The following SLFN12L variants were observed in gnomAD, a reference collection of about 807,000 sequenced individuals.
The protein encoded by SLFN12L is schlafen family member 12-like.
Under a neutral mutation model 34.8 loss-of-function variants are expected in SLFN12L, and 34 were observed. The ratio of observed to expected loss-of-function variants is 0.98; its 90% CI spans 0.74 to 1.30. The LOEUF (loss-of-function observed/expected upper bound fraction) is 1.30. SLFN12L is among the 50% of genes most tolerant of loss of function. The pLI is 0.00. For missense variants in SLFN12L, 703 were observed against 696.2 expected (o/e 1.01, Z -0.11); for synonymous variants, 259 against 247.5 (o/e 1.05, Z -0.44).
At position 35,470,835 on chromosome 17, in the gene SLFN12L, T is replaced by C. The variant is rs954778216; in HGVS notation, c.*4088A>G. ...ACTCTCCCCACCCCACAACAGGCCC[T>C]GGTGTGTGTTAATCCTTTCCCTGTG... On this transcript the variant is annotated 3_prime_UTR_variant, in exon 5 of 5. Transcript: ENST00000628453. 7.3e-5 allele frequency among the ~76,000 whole-genome samples: 11 copies of C among 151,158 alleles called. No homozygotes were observed. The highest frequency in any genetic ancestry group is 2.4e-4 in the African/African-American group (10 of 41,062).
At chr17:35,534,567 G>T (rs140936957) in intron 1 of SLFN12L, among the ~76,000 whole-genome samples, 13 of 151,642 alleles carry the variant, frequency 8.6e-5, no homozygotes, top group Middle Eastern at 3.5e-3. Flanking sequence ...AGGCAGAGTT[G>T]AGAGAGATTT....
chr17:35,467,480 T>A lies in SLFN12L; in HGVS notation c.*7443A>T, dbSNP rs557971915. 7.7e-4 allele frequency among the ~76,000 whole-genome samples: 118 copies of A among 152,268 alleles called. No individual in the cohort carries two copies. Among genetic ancestry groups the A allele is most frequent in the African/African-American group, 2.8e-3 (116 of 41,558 alleles). On this transcript the variant is annotated 3_prime_UTR_variant, in exon 5 of 5. Transcript: ENST00000628453. ...AAGGCACACATTTCACATTGCAAAATACACACTGAATGGGCTCCCGAAACA... is the reference window on the plus strand; with the variant it reads ...AAGGCACACATTTCACATTGCAAAAAACACACTGAATGGGCTCCCGAAACA...
chr17:35,505,037 A>G (rs1461823118), intron 2 of SLFN12L, among the ~76,000 whole-genome samples: 2 of 152,222 alleles, frequency 1.3e-5, no homozygotes, highest in Admixed American at 1.3e-4. Context: ...TCTCACGTCT[A>G]TTTAGATGCA....
chr17:35,467,512 C>T lies in SLFN12L; in HGVS notation c.*7411G>A, dbSNP rs989033588. On this transcript the variant is annotated 3_prime_UTR_variant, in exon 5 of 5. Transcript: ENST00000628453. ...TGAATGGGCTCCCGAAACAAACAGG[C>T]ATTCAATAAAACTTTCATGACCCTA... 6.6e-6 allele frequency among the ~76,000 whole-genome samples: 1 copy of T among 152,172 alleles called. No individual in the cohort carries two copies. Among genetic ancestry groups the T allele is most frequent in the Non-Finnish European group, 1.5e-5 (1 of 68,034 alleles).
At chr17:35,475,560 T>A in intron 4 of SLFN12L, 75 bp from the exon 5 acceptor site, 2 of 1,459,960 alleles carry the variant, frequency 1.4e-6, no homozygotes, top group South Asian at 3.0e-5. Flanking sequence ...AAGCAGCTTG[T>A]ATTAGATTAA....
At chr17:35,490,510 A>C (rs1914794378) in intron 2 of SLFN12L, 4 of 888,612 alleles carry the variant, frequency 4.5e-6, no homozygotes, top group African/African-American at 1.6e-5. Flanking sequence ...CATCCATCTC[A>C]TTAAGAAGAA....
chr17:35,465,585 C>T lies in SLFN12L; in HGVS notation c.*9338G>A, dbSNP rs1015312959. Among the ~76,000 whole-genome samples the T allele has an allele frequency of 2.0e-5, 3 of 151,618 alleles. No individual in the cohort carries two copies. Among genetic ancestry groups the T allele is most frequent in the Non-Finnish European group, 4.4e-5 (3 of 67,960 alleles). On this transcript the variant is annotated 3_prime_UTR_variant, in exon 5 of 5. Transcript: ENST00000628453. Reference sequence around the variant, plus strand: ...AGGATTGAAAGTTGTTACATAAAACCTCATTTATATAACATAAAAGGGATA... The same window carrying T: ...AGGATTGAAAGTTGTTACATAAAACTTCATTTATATAACATAAAAGGGATA...
At chr17:35,489,600 C>T (rs901560178) in intron 2 of SLFN12L, among the ~76,000 whole-genome samples, 1 of 151,742 alleles carries the variant, frequency 6.6e-6, no homozygotes, top group East Asian at 1.9e-4. Context: ...AGCAATATAC[C>T]CCCCAAAATT....
intron 1 of SLFN12L, among the ~76,000 whole-genome samples, chr17:35,537,316 G>C (rs1218922705): frequency 6.6e-6 from 1 of 152,158 alleles, no homozygotes; most frequent in Non-Finnish European, 1.5e-5. Context: ...CTCTGGGCTT[G>C]AGTCCTACAT....
chr17:35,474,887 T>C lies in SLFN12L; in HGVS notation c.*36A>G. The stretch of plus-strand genomic sequence containing the variant: ...CAGAGGTTGCAGTGAGTCGAGATCG[T>C]GTCACTACACTCCAGTCTGGGTGAC... On this transcript the variant is annotated 3_prime_UTR_variant, in exon 5 of 5. Transcript: ENST00000628453. 7 of 1,500,252 alleles carry C rather than the reference T, an allele frequency of 4.7e-6. No individual in the cohort carries two copies. The highest frequency in any genetic ancestry group is 6.2e-6 in the Non-Finnish European group (7 of 1,128,230). 92.9% of individuals were successfully genotyped at this position (1,500,252 alleles called of 1,614,324 possible).
chr17:35,488,941 G>C (rs766016478), intron 2 of SLFN12L, among the ~76,000 whole-genome samples: 5 of 151,488 alleles, frequency 3.3e-5, no homozygotes, highest in African/African-American at 7.3e-5. Context: ...GTGGTGGCAC[G>C]CGCCTGTAAT....
At chr17:35,493,610 A>G (rs1478381088) in intron 2 of SLFN12L, among the ~76,000 whole-genome samples, 1 of 152,244 alleles carries the variant, frequency 6.6e-6, no homozygotes, top group Non-Finnish European at 1.5e-5. Flanking sequence ...TTAGATGTCC[A>G]TACTGTATTT....
At chr17:35,519,953 T>C (rs2142166926) in intron 2 of SLFN12L, among the ~76,000 whole-genome samples, 1 of 152,314 alleles carries the variant, frequency 6.6e-6, no homozygotes, top group African/African-American at 2.4e-5. Context: ...TTTTGCAGTT[T>C]AGACACAACA....
At chr17:35,488,458 T>C (rs1400341848) in intron 2 of SLFN12L, among the ~76,000 whole-genome samples, 1 of 152,214 alleles carries the variant, frequency 6.6e-6, no homozygotes, top group African/African-American at 2.4e-5. Flanking sequence ...TTAGTTGGCT[T>C]CGAACAGTCC....
chr17:35,520,931 A>C (rs1915978249), intron 2 of SLFN12L, among the ~76,000 whole-genome samples: 1 of 152,052 alleles, frequency 6.6e-6, no homozygotes, highest in African/African-American at 2.4e-5. Context: ...CCCTTCTCTC[A>C]AAGTGCTGCC....
intron 2 of SLFN12L, 194 bp from the exon 3 acceptor site, chr17:35,480,389 T>C (rs942615087): frequency 4.3e-6 from 2 of 467,560 alleles, no homozygotes; most frequent in African/African-American, 4.0e-5. Context: ...ATTTTCAAAT[T>C]TGTTACAACT....
At chr17:35,512,150 ATTTTT>A (rs34171279) in intron 2 of SLFN12L, among the ~76,000 whole-genome samples, 1 of 69,152 alleles carries the variant, frequency 1.4e-5, no homozygotes. Context: ...AAAAGAGCTG[ATTTTT>A]TTTTTTTTTT....
rs1344257881 is a variant in SLFN12L, at chr17:35,466,816, A to T, written c.*8107T>A. 6.6e-6 allele frequency among the ~76,000 whole-genome samples: 1 copy of T among 152,212 alleles called. No homozygotes were observed. Among genetic ancestry groups the T allele is most frequent in the African/African-American group, 2.4e-5 (1 of 41,440 alleles). On this transcript the variant is annotated 3_prime_UTR_variant, in exon 5 of 5. Coordinates refer to ENST00000628453, the MANE Select transcript of SLFN12L (RefSeq NM_001363830.2). ...TCTAGACCACCTGTGATGGCTACGA[A>T]TTGCCTGAGGGCTCTCAGCCTCATG...
intron 2 of SLFN12L, among the ~76,000 whole-genome samples, chr17:35,509,294 A>C (rs934745594): frequency 6.6e-6 from 1 of 152,228 alleles, no homozygotes; most frequent in Admixed American, 6.5e-5. Flanking sequence ...TCAAGAAAAG[A>C]GCAAAAGATG....
Sources: allele counts gnomAD v4.1 joint callset (sites outside exome capture counted in the v4.1 genomes callset), GRCh38; gene constraint gnomAD v4.1.1; transcripts MANE v1.5; gene names NCBI Gene and HGNC (gene_info 2026-07-23, HGNC 2026-07-21).